LRMDA: variants seen among roughly 807,000 people sequenced by gnomAD.
The protein encoded by LRMDA is leucine rich melanocyte differentiation associated.
LRMDA carries 18 observed loss-of-function variants against 29.8 expected under a neutral mutation model. That is an observed-to-expected ratio of 0.60 (90% CI 0.42 to 0.90). The LOEUF (loss-of-function observed/expected upper bound fraction) is 0.90, where lower values mean the gene tolerates loss of function less well. LRMDA is among the 40% of genes least tolerant of loss of function. LRMDA has a pLI of 0.00. For missense variants in LRMDA, 273 were observed against 273.9 expected, an observed-to-expected ratio of 1.00 and a Z score of 0.02; for synonymous variants, 125 against 109.4, an observed-to-expected ratio of 1.14 and a Z score of -0.89.
chr10:75,665,525 T>TA (rs1026341950), intron 2 of LRMDA, among the ~76,000 whole-genome samples: 3 of 151,916 alleles, frequency 2.0e-5, no homozygotes, highest in African/African-American at 4.8e-5. Context: ...TAAAGTATAA[T>TA]AAAAAAAATG....
intron 5 of LRMDA, among the ~76,000 whole-genome samples, chr10:76,145,604 A>G (rs1850300198): frequency 6.6e-6 from 1 of 152,100 alleles, no homozygotes; most frequent in South Asian, 2.1e-4. Context: ...AGTCTTGCTA[A>G]CAGTCTATCA....
chr10:76,065,539 C>G (rs1292488709), intron 5 of LRMDA, among the ~76,000 whole-genome samples: 2 of 152,220 alleles, frequency 1.3e-5, no homozygotes, highest in Admixed American at 6.5e-5. Context: ...CCCTCTTCCT[C>G]TTTTTAGCCT....
intron 5 of LRMDA, among the ~76,000 whole-genome samples, chr10:76,268,449 T>C (rs1840030551): frequency 6.6e-6 from 1 of 152,202 alleles, no homozygotes; most frequent in African/African-American, 2.4e-5. Context: ...TTTGGCTTCA[T>C]GGTATTTACA....
At chr10:75,652,224 A>G (rs992645784) in intron 2 of LRMDA, among the ~76,000 whole-genome samples, 1 of 152,230 alleles carries the variant, frequency 6.6e-6, no homozygotes, top group Non-Finnish European at 1.5e-5. Context: ...ACATCCCTCG[A>G]TAAGTAAAAT....
rs150449728 is a variant in LRMDA at position 76,541,859 on chromosome 10, G to A, written c.602-15350G>A. On this transcript the variant is annotated intron_variant, in intron 6 of 6. Coordinates refer to ENST00000611255, the MANE Select transcript of LRMDA (RefSeq NM_001305581.2). The stretch of plus-strand genomic sequence containing the variant: ...TCAAGCACTTCCCTGTCCTTACGCC[G>A]CAAAAGGTTAATAGTCATCTTTTTT... 7.9e-5 allele frequency among the ~76,000 whole-genome samples: 12 copies of A among 152,192 alleles called. No homozygotes were observed. The East Asian group carries it at 1.4e-3, about 17-fold the overall frequency.
chr10:75,447,295 C>T (rs920740000), intron 2 of LRMDA, among the ~76,000 whole-genome samples: 1 of 152,232 alleles, frequency 6.6e-6, no homozygotes, highest in African/African-American at 2.4e-5. Context: ...TGGAAAATGA[C>T]GTGGTGGGTG....
At chr10:76,285,233 GT>G (rs1485304890) in intron 5 of LRMDA, among the ~76,000 whole-genome samples, 3 of 152,076 alleles carry the variant, frequency 2.0e-5, no homozygotes, top group Non-Finnish European at 4.4e-5. Context: ...CTGGAATTCA[GT>G]TTTTTCCACA....
At chr10:76,485,813 T>A (rs556845966) in intron 6 of LRMDA, among the ~76,000 whole-genome samples, 150 of 152,012 alleles carry the variant, frequency 9.9e-4, no homozygotes, top group African/African-American at 3.3e-3. Flanking sequence ...TGATAAGACA[T>A]CTACTTTAAT....
intron 2 of LRMDA, among the ~76,000 whole-genome samples, chr10:75,528,322 T>G (rs1376827725): frequency 3.3e-5 from 5 of 152,196 alleles, no homozygotes; most frequent in African/African-American, 1.2e-4. Flanking sequence ...TTTCTTTTGT[T>G]GGGAGCATAA....
At chr10:75,971,562 G>A (rs12266697) in intron 2 of LRMDA, among the ~76,000 whole-genome samples, 3 of 152,184 alleles carry the variant, frequency 2.0e-5, no homozygotes, top group African/African-American at 7.2e-5. Flanking sequence ...ACATCAATCA[G>A]CAATTCAGTG....
rs145903496 is a variant in LRMDA at position 75,645,505 on chromosome 10, C to T, written c.131+207011C>T. Reference sequence around the variant, plus strand: ...GGCAGGAATAATCAACTGTGAATGTCGGAGCTAGAACGTGGCCTGGTGGTG... The same window carrying T: ...GGCAGGAATAATCAACTGTGAATGTTGGAGCTAGAACGTGGCCTGGTGGTG... On this transcript the variant is annotated intron_variant, in intron 2 of 6. Transcript: ENST00000611255. Among the ~76,000 whole-genome samples the T allele has an allele frequency of 1.7e-4, 26 of 152,092 alleles. No individual in the cohort carries two copies. The East Asian group carries it at 2.5e-3, about 15-fold the overall frequency.
chr10:75,607,279 A>C (rs896083869), intron 2 of LRMDA, among the ~76,000 whole-genome samples: 3 of 152,242 alleles, frequency 2.0e-5, no homozygotes, highest in African/African-American at 7.2e-5. Context: ...GCCTTTCTTG[A>C]CATACGATAG....
At chr10:75,570,838 T>G (rs1848529985) in intron 2 of LRMDA, among the ~76,000 whole-genome samples, 1 of 152,186 alleles carries the variant, frequency 6.6e-6, no homozygotes, top group Admixed American at 6.5e-5. Flanking sequence ...GAGAAGTCCT[T>G]TTTGGCCGTA....
At chr10:76,450,772 G>T (rs778017905) in intron 6 of LRMDA, among the ~76,000 whole-genome samples, 1 of 151,562 alleles carries the variant, frequency 6.6e-6, no homozygotes, top group South Asian at 2.1e-4. Context: ...TTCTTAATTC[G>T]GCCAGTTTAC....
intron 2 of LRMDA, among the ~76,000 whole-genome samples, chr10:75,923,471 A>G (rs780107926): frequency 6.6e-6 from 1 of 152,164 alleles, no homozygotes; most frequent in African/African-American, 2.4e-5. Flanking sequence ...GGAACTCCAT[A>G]GGAGAGGAAA....
intron 2 of LRMDA, among the ~76,000 whole-genome samples, chr10:75,571,407 GACAAATGGAGTGA>G (rs1455019493): frequency 6.6e-6 from 1 of 152,184 alleles, no homozygotes; most frequent in African/African-American, 2.4e-5. Flanking sequence ...TCAGGCAGAT[GACAAATGGAGTGA>G]ACATTGGGTG....
At chr10:76,143,696 A>C (rs929900148) in intron 5 of LRMDA, among the ~76,000 whole-genome samples, 1 of 152,196 alleles carries the variant, frequency 6.6e-6, no homozygotes, top group African/African-American at 2.4e-5. Context: ...GTTGAGTTTA[A>C]TTAGATCCCA....
chr10:76,046,158 C>T (rs1353219396), intron 3 of LRMDA, among the ~76,000 whole-genome samples: 4 of 152,142 alleles, frequency 2.6e-5, no homozygotes, highest in African/African-American at 7.2e-5. Flanking sequence ...ATATGTCTCT[C>T]GAAGTCACGG....
At chr10:76,252,735 C>T (rs1046343468) in intron 5 of LRMDA, among the ~76,000 whole-genome samples, 2 of 152,196 alleles carry the variant, frequency 1.3e-5, no homozygotes, top group Non-Finnish European at 2.9e-5. Flanking sequence ...GTGTGTCCTA[C>T]TGCTAGATAT....
Sources: gnomAD v4.1 joint callset for allele counts (sites outside exome capture counted in the v4.1 genomes callset) on GRCh38, gnomAD v4.1.1 for gene constraint, MANE v1.5 for transcripts, NCBI Gene and HGNC (gene_info 2026-07-23, HGNC 2026-07-21) for gene names.